Variants in ALK observed in about 807,000 individuals in gnomAD.
ALK encodes the protein ALK tyrosine kinase receptor.
In ALK, 74 loss-of-function variants were observed where a neutral mutation model predicts 163.1. The ratio of observed to expected loss-of-function variants is 0.45; its 90% CI spans 0.38 to 0.55. The LOEUF (loss-of-function observed/expected upper bound fraction) is 0.55. Among genes scored for constraint, ALK ranks in the 20% least tolerant of loss-of-function variants. The pLI is 0.00. For synonymous variants in ALK, 960 were observed against 843.2 expected (o/e 1.14, Z -2.40); for missense variants, 2,063 against 2,105.3 (o/e 0.98, Z 0.39).
chr2:29,338,152 T>C (rs1163650768), intron 5 of ALK, among the ~76,000 whole-genome samples: 1 of 152,180 alleles, frequency 6.6e-6, no homozygotes, highest in African/African-American at 2.4e-5. Context: ...GAGAGAACCT[T>C]TGGGTGTCCT....
intron 5 of ALK, among the ~76,000 whole-genome samples, chr2:29,362,076 CAGAG>C (rs961114530): frequency 9.2e-5 from 14 of 151,936 alleles, no homozygotes; most frequent in East Asian, 7.7e-4. Flanking sequence ...GGAGGAGAAA[CAGAG>C]AAAGGAAGAC....
intron 3 of ALK, among the ~76,000 whole-genome samples, chr2:29,618,176 G>C (rs1481043882): frequency 6.6e-6 from 1 of 152,144 alleles, no homozygotes; most frequent in Non-Finnish European, 1.5e-5. Flanking sequence ...TCAGGGAGAG[G>C]CCTCATCTTA....
intron 2 of ALK, among the ~76,000 whole-genome samples, chr2:29,701,816 G>T (rs1026568565): frequency 6.6e-6 from 1 of 152,152 alleles, no homozygotes; most frequent in Non-Finnish European, 1.5e-5. Flanking sequence ...ACAGATGAAG[G>T]CATTGGAGCT....
intron 1 of ALK, among the ~76,000 whole-genome samples, chr2:29,812,313 G>T (rs940689382): frequency 2.0e-5 from 3 of 152,104 alleles, no homozygotes; most frequent in African/African-American, 7.2e-5. Flanking sequence ...GGTAAGCTCT[G>T]CTCTGTAGTA....
chr2:29,365,381 C>T (rs1409970978), intron 5 of ALK, among the ~76,000 whole-genome samples: 1 of 152,134 alleles, frequency 6.6e-6, no homozygotes, highest in African/African-American at 2.4e-5. Context: ...AGGGTGATGG[C>T]CATCTCTGGC....
intron 5 of ALK, among the ~76,000 whole-genome samples, chr2:29,374,285 T>C (rs961750824): frequency 2.0e-5 from 3 of 152,140 alleles, no homozygotes; most frequent in African/African-American, 7.2e-5. Context: ...GATGAGAAAA[T>C]GAAAACTCAT....
At chr2:29,501,267 C>T (rs1672166965) in intron 4 of ALK, among the ~76,000 whole-genome samples, 1 of 152,210 alleles carries the variant, frequency 6.6e-6, no homozygotes, top group African/African-American at 2.4e-5. Flanking sequence ...ATGTCAATGT[C>T]TTATTCCTCA....
chr2:29,693,950 G>A (rs1320680440), intron 3 of ALK, among the ~76,000 whole-genome samples: 1 of 152,122 alleles, frequency 6.6e-6, no homozygotes, highest in Non-Finnish European at 1.5e-5. Context: ...AGCGTAGGTG[G>A]GAGTGCTTTG....
At chr2:29,436,089 C>T (rs2148077323) in intron 4 of ALK, among the ~76,000 whole-genome samples, 2 of 152,134 alleles carry the variant, frequency 1.3e-5, no homozygotes, top group South Asian at 2.1e-4. Flanking sequence ...AGTATCATTC[C>T]AGTATCATTT....
At chr2:29,437,127 C>T (rs930253246) in intron 4 of ALK, among the ~76,000 whole-genome samples, 1 of 152,152 alleles carries the variant, frequency 6.6e-6, no homozygotes, top group African/African-American at 2.4e-5. Context: ...TTTAGTTCTT[C>T]CAGAGCTCTT....
chr2:29,231,778 C>T (rs73920743), intron 15 of ALK, among the ~76,000 whole-genome samples: 4 of 152,324 alleles, frequency 2.6e-5, no homozygotes, highest in East Asian at 1.9e-4. Flanking sequence ...AATTGACACT[C>T]TCTTCCCTGC....
At chr2:29,470,026 T>C (rs1398294559) in intron 4 of ALK, among the ~76,000 whole-genome samples, 1 of 152,194 alleles carries the variant, frequency 6.6e-6, no homozygotes, top group Non-Finnish European at 1.5e-5. Flanking sequence ...ATAAAGAATT[T>C]CATTAGAAAA....
chr2:29,275,020 C>A (rs1302463828), intron 11 of ALK, 79 bp downstream of exon 11: 1 of 1,582,232 alleles, frequency 6.3e-7, no homozygotes, highest in African/African-American at 1.3e-5. Flanking sequence ...AGCTCCCCAC[C>A]CTAAAGACAG....
chr2:29,673,363 A>G (rs1677765927), intron 3 of ALK, among the ~76,000 whole-genome samples: 1 of 129,456 alleles, frequency 7.7e-6, no homozygotes, highest in Non-Finnish European at 1.6e-5. Flanking sequence ...TATAAGGTGT[A>G]AGGAAGGGAT....
intron 4 of ALK, among the ~76,000 whole-genome samples, chr2:29,404,166 T>C (rs1669523258): frequency 2.0e-5 from 3 of 152,008 alleles, no homozygotes; most frequent in Admixed American, 1.3e-4. Context: ...TAGCCAGGCA[T>C]GGTGGCACAT....
intron 1 of ALK, among the ~76,000 whole-genome samples, chr2:29,826,550 C>G (rs1046426828): frequency 1.3e-5 from 2 of 151,964 alleles, no homozygotes; most frequent in Admixed American, 1.3e-4. Context: ...CAGTCTTATA[C>G]AAGCCTCATG....
chr2:29,242,728 C>T (rs1313138839), intron 12 of ALK, among the ~76,000 whole-genome samples: 1 of 152,182 alleles, frequency 6.6e-6, no homozygotes, highest in East Asian at 1.9e-4. Context: ...GACAAGAACC[C>T]CTGCTCTCAT....
intron 3 of ALK, among the ~76,000 whole-genome samples, chr2:29,612,027 G>A (rs1225210120): frequency 6.6e-6 from 1 of 152,136 alleles, no homozygotes; most frequent in African/African-American, 2.4e-5. Context: ...ACACCTTATA[G>A]GAACAGATCC....
chr2:29,902,313 C>T (rs1289165962), intron 1 of ALK, among the ~76,000 whole-genome samples: 1 of 152,208 alleles, frequency 6.6e-6, no homozygotes, highest in South Asian at 2.1e-4. Flanking sequence ...GCTTGAATTT[C>T]TCTTTTTCGG....
Sources: gnomAD v4.1 joint callset for allele counts (sites outside exome capture counted in the v4.1 genomes callset) on GRCh38, gnomAD v4.1.1 for gene constraint, MANE v1.5 for transcripts, NCBI Gene and HGNC (gene_info 2026-07-23, HGNC 2026-07-21) for gene names.